The following ANKRD36C variants were observed in gnomAD, a reference collection of about 807,000 sequenced individuals.
ANKRD36C encodes the protein ankyrin repeat domain-containing protein 36C.
In ANKRD36C, 61 loss-of-function variants were observed where a neutral mutation model predicts 276.4. The ratio of observed to expected loss-of-function variants is 0.22; its 90% CI spans 0.18 to 0.27. The LOEUF (loss-of-function observed/expected upper bound fraction) is 0.27, where lower values mean the gene tolerates loss of function less well. Among genes scored for constraint, ANKRD36C ranks in the 10% least tolerant of loss-of-function variants. ANKRD36C has a pLI of 1.00. For synonymous variants in ANKRD36C, 483 were observed against 680.1 expected (o/e 0.71, Z 4.51); for missense variants, 1,447 against 2,032.3 (o/e 0.71, Z 5.54).
intron 60 of ANKRD36C, among the ~76,000 whole-genome samples, chr2:95,861,762 G>A (rs1157334420): frequency 1.3e-5 from 2 of 152,062 alleles, no homozygotes; most frequent in East Asian, 3.9e-4. Flanking sequence ...CATTATAAAT[G>A]ACACTTGTCT....
Position 95,956,289 on chromosome 2 carries a change from T to G in ANKRD36C, c.1136+497A>C, listed in dbSNP as rs573785071. On this transcript the variant is annotated intron_variant, in intron 13 of 66. Transcript: ENST00000456556. ...GTAACTGATATCTGCCTTTAAAATT[T>G]TGATGGTTAAAAAAAAAAGTAATAT... 1.1e-3 allele frequency among the ~76,000 whole-genome samples: 166 copies of G among 152,360 alleles called. 1 individual carries two copies. The East Asian group carries it at 0.03, about 27-fold the overall frequency.
chr2:95,878,169 G>A (rs1675996943), intron 58 of ANKRD36C, among the ~76,000 whole-genome samples: 1 of 146,610 alleles, frequency 6.8e-6, no homozygotes, highest in African/African-American at 2.5e-5. Context: ...GGGAGACAGA[G>A]CAAGACTCTG....
intron 52 of ANKRD36C, among the ~76,000 whole-genome samples, chr2:95,885,459 C>G (rs1458572431): frequency 6.6e-6 from 1 of 151,344 alleles, no homozygotes; most frequent in African/African-American, 2.4e-5. Context: ...CTTGGAGAAG[C>G]CAAAATTTAA....
chr2:95,852,301 A>G (rs1396635245), intron 64 of ANKRD36C, 105 bp from the exon 85 acceptor site: 26 of 857,654 alleles, frequency 3.0e-5, no homozygotes, highest in Non-Finnish European at 4.8e-5. Context: ...GACTATCAGA[A>G]TCTTTTTTAT....
intron 28 of ANKRD36C, among the ~76,000 whole-genome samples, 191 bp from the exon 29 acceptor site, chr2:95,925,738 A>G (rs964452923): frequency 6.6e-6 from 1 of 151,584 alleles, no homozygotes; most frequent in African/African-American, 2.4e-5. Context: ...ACGCTTCCAG[A>G]AAATATACAG....
intron 59 of ANKRD36C, among the ~76,000 whole-genome samples, chr2:95,875,568 A>C (rs1247098127): frequency 4.6e-5 from 7 of 150,748 alleles, no homozygotes; most frequent in Non-Finnish European, 7.4e-5. Context: ...ATTAGGAGAT[A>C]TACCTAATGC....
chr2:95,878,417 G>T (rs927935585), intron 58 of ANKRD36C, among the ~76,000 whole-genome samples: 1 of 152,056 alleles, frequency 6.6e-6, no homozygotes, highest in Non-Finnish European at 1.5e-5. Flanking sequence ...ATGGAACTGT[G>T]ATCTTATTTA....
intron 17 of ANKRD36C, among the ~76,000 whole-genome samples, chr2:95,945,965 G>C (rs62154601): frequency 1.8e-3 from 259 of 143,416 alleles, no homozygotes; most frequent in South Asian, 4.1e-3. Context: ...TAAAAGAAAA[G>C]CTTGTGTTCA....
chr2:95,855,401 A>G, exon 63 of ANKRD36C: 1 of 1,613,494 alleles, frequency 6.2e-7, no homozygotes, highest in East Asian at 2.2e-5. Flanking sequence ...TTTCTACTCT[A>G]GCATCACATC....
intron 48 of ANKRD36C, among the ~76,000 whole-genome samples, chr2:95,888,747 C>T (rs902257375): frequency 1.3e-5 from 2 of 151,602 alleles, no homozygotes; most frequent in African/African-American, 4.8e-5. Flanking sequence ...CTCGTTTAGC[C>T]TTCTGAAAGT....
At chr2:95,918,092 T>A in intron 34 of ANKRD36C, 50 bp from the exon 37 acceptor site, 1 of 1,583,882 alleles carries the variant, frequency 6.3e-7, no homozygotes, top group Non-Finnish European at 8.6e-7. Flanking sequence ...TATGATAAAG[T>A]TATCCATACA....
At chr2:95,911,876 G>C (rs1268807337) in intron 42 of ANKRD36C, among the ~76,000 whole-genome samples, 1 of 151,208 alleles carries the variant, frequency 6.6e-6, no homozygotes, top group Non-Finnish European at 1.5e-5. Context: ...ACAGCTTTCT[G>C]CCTGTTTTTA....
intron 26 of ANKRD36C, 97 bp from the exon 27 acceptor site, chr2:95,927,506 C>T: frequency 6.4e-7 from 1 of 1,566,840 alleles, no homozygotes; most frequent in Non-Finnish European, 8.6e-7. Context: ...ATCTTCCTGC[C>T]TGTACTAGTG....
chr2:95,954,931 G>C (rs1478734631), intron 13 of ANKRD36C, among the ~76,000 whole-genome samples: 1 of 152,112 alleles, frequency 6.6e-6, no homozygotes, highest in Non-Finnish European at 1.5e-5. Flanking sequence ...TTCAGCATAG[G>C]AAAGCCCAGA....
intron 40 of ANKRD36C, 26 bp downstream of exon 42, chr2:95,914,082 G>T: frequency 6.5e-7 from 1 of 1,537,470 alleles, no homozygotes. Flanking sequence ...GACTGATCAT[G>T]ACATTAAATC....
At chr2:95,873,384 A>T (rs1675861424) in intron 59 of ANKRD36C, among the ~76,000 whole-genome samples, 1 of 152,232 alleles carries the variant, frequency 6.6e-6, no homozygotes. Context: ...AATAAATGTA[A>T]TCCAGCTTAT....
At position 95,915,972 on chromosome 2, in the gene ANKRD36C, A is replaced by T. The variant is rs185307809; in HGVS notation, c.2449+8T>A. 25,375 of 1,545,530 alleles carry T rather than the reference A, an allele frequency of 0.016. 275 individuals are homozygous for T. The highest frequency in any genetic ancestry group is 0.02 in the Non-Finnish European group (22,882 of 1,146,326). On this transcript the variant is annotated splice_region_variant and intron_variant, in intron 38 of 66. Transcript: ENST00000456556. ...GAACATGACATTAAATGTGTTTTGC[A>T]AAATTACCTGTCCTAGATATTTCTC...
intron 3 of ANKRD36C, 73 bp from the exon 4 acceptor site, chr2:95,982,435 G>C (rs1678941961): frequency 7.8e-7 from 1 of 1,273,906 alleles, no homozygotes; most frequent in Non-Finnish European, 1.1e-6. Context: ...CCTTATGTAA[G>C]ATCCTGTGAG....
chr2:95,931,351 C>A (rs1354238072), intron 24 of ANKRD36C, among the ~76,000 whole-genome samples: 1 of 150,194 alleles, frequency 6.7e-6, no homozygotes, highest in Non-Finnish European at 1.5e-5. Context: ...TCTATGCTTT[C>A]ACCTCATATT....
Sources: allele counts gnomAD v4.1 joint callset (sites outside exome capture counted in the v4.1 genomes callset), GRCh38; gene constraint gnomAD v4.1.1; transcripts MANE v1.5; gene names NCBI Gene and HGNC (gene_info 2026-07-23, HGNC 2026-07-21).